C13orf42: variants seen among roughly 807,000 people sequenced by gnomAD.
C13orf42 encodes the protein uncharacterized protein C13orf42.
At chr13:51,119,147 C>T (rs1382629277) in intron 1 of C13orf42, among the ~76,000 whole-genome samples, 1 of 151,976 alleles carries the variant, frequency 6.6e-6, no homozygotes, top group Non-Finnish European at 1.5e-5. Flanking sequence ...GTACAGTATG[C>T]CTGGGTGTAC....
chr13:51,130,178 G>GCCTTA (rs751248981), intron 1 of C13orf42, among the ~76,000 whole-genome samples: 4 of 152,190 alleles, frequency 2.6e-5, no homozygotes. Context: ...AATAAAAACA[G>GCCTTA]CCTTAAAGAT....
intron 1 of C13orf42, among the ~76,000 whole-genome samples, chr13:51,171,158 C>T (rs1953947204): frequency 6.6e-6 from 1 of 152,064 alleles, no homozygotes; most frequent in African/African-American, 2.4e-5. Context: ...CTTCTCCTCC[C>T]TTAGCCTGTG....
rs1953083835 is a variant in C13orf42, at chr13:51,083,222, T to C, written c.*929A>G. 6.6e-6 allele frequency: 1 copy of C among 152,220 alleles called. No individual in the cohort carries two copies. 9.4% of individuals were successfully genotyped at this position (152,220 alleles called of 1,614,324 possible). On this transcript the variant is annotated 3_prime_UTR_variant, in exon 4 of 4. Coordinates refer to ENST00000563710, the MANE Select transcript of C13orf42 (RefSeq NM_001351589.3). ...TCTCAAGCTTGAATGGGTACAACTATTGCAAAAATGTAAAAAGTATTTAGA... is the reference window on the plus strand; with the variant it reads ...TCTCAAGCTTGAATGGGTACAACTACTGCAAAAATGTAAAAAGTATTTAGA...
At chr13:51,116,266 G>A (rs17075356), upstream of C13orf42, among the ~76,000 whole-genome samples, 5,228 of 152,250 alleles carry the variant, frequency 0.034, 85 homozygotes, top group East Asian at 0.046. Flanking sequence ...ATGGGAGGTA[G>A]GGTAACCCAG....
intron 1 of C13orf42, among the ~76,000 whole-genome samples, chr13:51,143,893 A>G (rs1332499626): frequency 6.6e-6 from 1 of 152,202 alleles, no homozygotes; most frequent in Middle Eastern, 3.2e-3. Flanking sequence ...ATTTGTATAA[A>G]TATATTATTG....
chr13:51,114,991 T>C (rs1208919985), upstream of C13orf42, among the ~76,000 whole-genome samples: 3 of 152,198 alleles, frequency 2.0e-5, no homozygotes, highest in Non-Finnish European at 4.4e-5. Flanking sequence ...GATCATGTCA[T>C]ATACCTTAAA....
chr13:51,152,442 G>A (rs983808727), intron 1 of C13orf42, among the ~76,000 whole-genome samples: 56 of 152,134 alleles, frequency 3.7e-4, no homozygotes, highest in Middle Eastern at 3.2e-3. Context: ...TGACCTCCTG[G>A]GCTCTAGTGA....
chr13:51,085,723 A>C (rs575969005), intron 2 of C13orf42, among the ~76,000 whole-genome samples, 164 bp from the exon 3 acceptor site: 4 of 152,256 alleles, frequency 2.6e-5, no homozygotes, highest in Non-Finnish European at 5.9e-5. Flanking sequence ...GTTGTGGTGC[A>C]GGAGGAATGC....
chr13:51,120,977 G>A (rs187928688), intron 1 of C13orf42, among the ~76,000 whole-genome samples: 15 of 152,280 alleles, frequency 9.9e-5, no homozygotes, highest in Middle Eastern at 3.4e-3. Flanking sequence ...TCACGCCACT[G>A]CACTCCAGTC....
intron 1 of C13orf42, among the ~76,000 whole-genome samples, chr13:51,093,333 T>C (rs565985707): frequency 1.7e-4 from 26 of 152,342 alleles, no homozygotes; most frequent in Admixed American, 1.6e-3. Flanking sequence ...GGTCCTCAGA[T>C]CTGGAGCAGG....
intron 1 of C13orf42, among the ~76,000 whole-genome samples, chr13:51,108,034 A>G (rs561700583): frequency 6.6e-6 from 1 of 152,276 alleles, no homozygotes; most frequent in African/African-American, 2.4e-5. Flanking sequence ...CTCCCTCTGA[A>G]GGTGCTGGTG....
intron 1 of C13orf42, among the ~76,000 whole-genome samples, chr13:51,093,850 A>G (rs1953205123): frequency 6.6e-6 from 1 of 152,140 alleles, no homozygotes; most frequent in Non-Finnish European, 1.5e-5. Flanking sequence ...TTCCCTCATC[A>G]ACCACATAGT....
chr13:51,158,596 C>A (rs1357519634), intron 1 of C13orf42, among the ~76,000 whole-genome samples: 1 of 152,170 alleles, frequency 6.6e-6, no homozygotes, highest in Non-Finnish European at 1.5e-5. Context: ...CTGTCTGTCA[C>A]CTTGCACTTT....
Position 51,085,532 on chromosome 13 carries a change from A to C in C13orf42, c.590T>G (p.Leu197Trp). The change falls in exon 3 of 4, where the codon TTG becomes TGG. Residue 197 changes from leucine to tryptophan, a missense_variant. By Grantham distance (61) the Leu-to-Trp change is moderately conservative. Transcript: ENST00000563710. The stretch of plus-strand genomic sequence containing the variant: ...TGCCCGCAGGATCCAGTTAGAATGC[A>C]AGCTGTGCTCCCTGGAGCTGGTGGC... ...DVATSSREHS[L>W]HSNWILRAPR... 1 of 398,718 alleles carries C rather than the reference A, an allele frequency of 2.5e-6. No homozygotes were observed. Among genetic ancestry groups the C allele is most frequent in the Non-Finnish European group, 4.4e-6 (1 of 226,148 alleles). The allele number at this position is 398,718 out of a possible 1,614,324, so 24.7% of individuals were successfully genotyped here. A position where few individuals can be genotyped will look rare whatever the true frequency, so the allele number is the denominator to read the frequency against.
chr13:51,155,264 TA>T (rs1366558863), intron 1 of C13orf42, among the ~76,000 whole-genome samples: 10 of 152,198 alleles, frequency 6.6e-5, no homozygotes, highest in African/African-American at 1.2e-4. Context: ...TTGTGGGTTT[TA>T]AAGATAACTT....
intron 1 of C13orf42, among the ~76,000 whole-genome samples, chr13:51,102,239 G>C (rs1953301782): frequency 6.6e-6 from 1 of 152,174 alleles, no homozygotes; most frequent in African/African-American, 2.4e-5. Flanking sequence ...TGTGTTTGCA[G>C]AAATTCTCAA....
chr13:51,086,602 G>T (rs1953130494), intron 2 of C13orf42, among the ~76,000 whole-genome samples: 1 of 152,030 alleles, frequency 6.6e-6, no homozygotes, highest in Admixed American at 6.5e-5. Context: ...AGTTTTGCAG[G>T]TCATATTTTT....
chr13:51,147,044 A>G (rs114529763), intron 1 of C13orf42, among the ~76,000 whole-genome samples: 12 of 152,306 alleles, frequency 7.9e-5, no homozygotes, highest in African/African-American at 2.9e-4. Flanking sequence ...GGAAGCAGTA[A>G]AACAGCTGCA....
chr13:51,130,225 A>G (rs941404694), intron 1 of C13orf42, among the ~76,000 whole-genome samples: 14 of 152,256 alleles, frequency 9.2e-5, no homozygotes, highest in Non-Finnish European at 2.1e-4. Context: ...TAAATTATGC[A>G]GTCAGATATT....
Sources: gnomAD v4.1 joint callset for allele counts (sites outside exome capture counted in the v4.1 genomes callset) on GRCh38, gnomAD v4.1.1 for gene constraint, MANE v1.5 for transcripts, NCBI Gene and HGNC (gene_info 2026-07-23, HGNC 2026-07-21) for gene names.